Variants in TMEM8B observed in about 807,000 individuals in gnomAD.
The protein encoded by TMEM8B is transmembrane protein 8B.
In TMEM8B, 29 loss-of-function variants were observed where a neutral mutation model predicts 49.3. The observed-to-expected ratio is 0.59, with a 90% confidence interval of 0.44 to 0.80. TMEM8B has a LOEUF of 0.80. TMEM8B is among the 30% of genes least tolerant of loss of function. The pLI, the probability that TMEM8B is intolerant of heterozygous loss-of-function variation, is 0.00. For missense variants in TMEM8B, 575 were observed against 658.5 expected, an observed-to-expected ratio of 0.87 and a Z score of 1.39; for synonymous variants, 264 against 272.8, an observed-to-expected ratio of 0.97 and a Z score of 0.32.
chr9:35,843,624 T>G (rs1235058115), intron 6 of TMEM8B, among the ~76,000 whole-genome samples: 2 of 152,236 alleles, frequency 1.3e-5, no homozygotes, highest in Non-Finnish European at 2.9e-5. Flanking sequence ...TGTGGTGAAC[T>G]GAGATCCCTG....
Position 35,863,497 on chromosome 9 carries a change from G to A in TMEM8B, c.*9657G>A, listed in dbSNP as rs539273446. Reference sequence around the variant, plus strand: ...TGCCTACAGCTTTGCCTGTAACATGGGCACAGGCTGGGACATCAGATAGAA... The same window carrying A: ...TGCCTACAGCTTTGCCTGTAACATGAGCACAGGCTGGGACATCAGATAGAA... On this transcript the variant is annotated 3_prime_UTR_variant, in exon 13 of 13. Transcript: ENST00000643932. The A allele has an allele frequency of 2.0e-5, 3 of 152,330 alleles. No homozygotes were observed. In the South Asian group the frequency reaches 6.2e-4, roughly 32 times the overall value. 9.4% of individuals were successfully genotyped at this position (152,330 alleles called of 1,614,324 possible).
rs527767515 is a variant in TMEM8B, at chr9:35,858,941, G to C, written c.*5101G>C. ...AGCCTCTGGTGGACCTGCATCAGGA[G>C]CAAGAAACAAACCTTAATGGCTTTA... On this transcript the variant is annotated 3_prime_UTR_variant, in exon 13 of 13. Coordinates refer to ENST00000643932, the MANE Select transcript of TMEM8B (RefSeq NM_001042590.4). The C allele has an allele frequency of 6.5e-6, 1 of 152,684 alleles. No homozygotes were observed. Among genetic ancestry groups the C allele is most frequent in the South Asian group, 2.1e-4 (1 of 4,828 alleles). The allele number at this position is 152,684 out of a possible 1,614,324, so 9.5% of individuals were successfully genotyped here.
rs73645475 is a variant in TMEM8B, at chr9:35,854,031, C to T, written c.*191C>T. 7.6e-7 allele frequency: 1 copy of T among 1,317,498 alleles called. No homozygotes were observed. 81.6% of individuals were successfully genotyped at this position (1,317,498 alleles called of 1,614,324 possible). ...GAGAACTTCCTGAGGGCCTGGAGTC[C>T]CCCTGCATCATGGAGTCCTTCTTAA... On this transcript the variant is annotated 3_prime_UTR_variant, in exon 13 of 13. Transcript: ENST00000643932.
rs1832272941 is a variant in TMEM8B at position 35,852,819 on chromosome 9, T to C, written c.2176-8T>C. On this transcript the variant is annotated splice_polypyrimidine_tract_variant and splice_region_variant and intron_variant, in intron 10 of 12. Transcript: ENST00000643932. ...AGTTCTCTCAATGCCTGTCATTTCT[T>C]CCTTCAGTTCTATCATGCCTGTGAC... 1 of 1,614,126 alleles carries C rather than the reference T, an allele frequency of 6.2e-7. No homozygotes were observed. Among genetic ancestry groups the C allele is most frequent in the Non-Finnish European group, 8.5e-7 (1 of 1,180,012 alleles).
chr9:35,851,965 A>G (rs1050127665), intron 10 of TMEM8B, among the ~76,000 whole-genome samples: 14 of 152,230 alleles, frequency 9.2e-5, no homozygotes, highest in Admixed American at 9.2e-4. Context: ...CATCTCTGCC[A>G]CTAAAGAGTT....
chr9:35,862,799 A>T lies in TMEM8B; in HGVS notation c.*8959A>T, dbSNP rs1469521465. 3.3e-5 allele frequency: 5 copies of T among 152,300 alleles called. No homozygotes were observed. Among genetic ancestry groups the T allele is most frequent in the Non-Finnish European group, 7.3e-5 (5 of 68,034 alleles). 9.4% of individuals were successfully genotyped at this position (152,300 alleles called of 1,614,324 possible). ...CGGACAACAAGATGGTCACACAGCT[A>T]TTAGTGGAGGTTAAGTTCATTCTGC... On this transcript the variant is annotated 3_prime_UTR_variant, in exon 13 of 13. Coordinates refer to ENST00000643932, the MANE Select transcript of TMEM8B (RefSeq NM_001042590.4).
In TMEM8B at chr9:35,829,330, C is replaced by T; in HGVS notation, c.-118C>T. On this transcript the variant is annotated 5_prime_UTR_variant, in exon 1 of 13. Coordinates refer to ENST00000643932, the MANE Select transcript of TMEM8B (RefSeq NM_001042590.4). Reference sequence around the variant, plus strand: ...TGAACTCCTACCCAGGTCCCCGGCCCCCGCCCCGGGCCCGCGAGGACACCG... The same window carrying T: ...TGAACTCCTACCCAGGTCCCCGGCCTCCGCCCCGGGCCCGCGAGGACACCG... The T allele has an allele frequency of 2.7e-6, 1 of 371,416 alleles. No homozygotes were observed. Among genetic ancestry groups the T allele is most frequent in the Non-Finnish European group, 4.8e-6 (1 of 208,460 alleles). 23.0% of individuals were successfully genotyped at this position (371,416 alleles called of 1,614,324 possible).
rs1292718082 is a variant in TMEM8B, at chr9:35,860,239, G to A, written c.*6399G>A. 1 of 152,360 alleles carries A rather than the reference G, an allele frequency of 6.6e-6. No homozygotes were observed. Among genetic ancestry groups the A allele is most frequent in the South Asian group, 2.1e-4 (1 of 4,828 alleles). 9.4% of individuals were successfully genotyped at this position (152,360 alleles called of 1,614,324 possible). A position where few individuals can be genotyped will look rare whatever the true frequency, so the allele number is the denominator to read the frequency against. ...CTAGGCTCCTCTCTGCTCTCCCCAG[G>A]ATGGGGTCAGAGGAGACAGCAGAGA... On this transcript the variant is annotated 3_prime_UTR_variant, in exon 13 of 13. Coordinates refer to ENST00000643932, the MANE Select transcript of TMEM8B (RefSeq NM_001042590.4).
chr9:35,845,667 GA>G, intron 6 of TMEM8B: 1 of 985,398 alleles, frequency 1.0e-6, no homozygotes. Context: ...TAATGAGCTA[GA>G]TAGGACTGAA....
In TMEM8B at chr9:35,860,830, A is replaced by C. The variant is rs1160909264; in HGVS notation, c.*6990A>C. On this transcript the variant is annotated 3_prime_UTR_variant, in exon 13 of 13. Coordinates refer to ENST00000643932, the MANE Select transcript of TMEM8B (RefSeq NM_001042590.4). ...CACACGAGGAGGGAAGCCAGGCACG[A>C]ATCTGGTGGAGGTGCGGTCAGTTGT... 1 of 152,252 alleles carries C rather than the reference A, an allele frequency of 6.6e-6. No individual in the cohort carries two copies. The highest frequency in any genetic ancestry group is 1.9e-4 in the East Asian group (1 of 5,202). 9.4% of individuals were successfully genotyped at this position (152,252 alleles called of 1,614,324 possible).
At chr9:35,847,363 T>G (rs1301194026) in intron 10 of TMEM8B, 1 of 598,472 alleles carries the variant, frequency 1.7e-6, no homozygotes, top group Non-Finnish European at 3.0e-6. Flanking sequence ...GGGCAGGAAA[T>G]CTATGCTTTC....
At chr9:35,850,254 A>T (rs1458216903) in intron 10 of TMEM8B, among the ~76,000 whole-genome samples, 1 of 152,232 alleles carries the variant, frequency 6.6e-6, no homozygotes, top group East Asian at 1.9e-4. Context: ...ATTCCACAGA[A>T]AAAAAACCTT....
Position 35,846,559 on chromosome 9 carries a change from C to T in TMEM8B, c.1944C>T (p.Cys648=). The part of the protein sequence containing the change: ...CVDDCGPYGQ[C]KLLRTHNYLY... ...ACGACTGCGGGCCCTACGGCCAGTG[C>T]AAGCTGCTGCGCACACACAATTATC... Residue 648 remains cysteine (C), a synonymous_variant, in exon 9 of 13, where the codon TGC becomes TGT. Transcript: ENST00000643932. The T allele has an allele frequency of 6.4e-7, 1 of 1,573,512 alleles. No individual in the cohort carries two copies.
intron 10 of TMEM8B, among the ~76,000 whole-genome samples, chr9:35,850,328 G>C (rs1237422451): frequency 1.3e-5 from 2 of 152,148 alleles, no homozygotes; most frequent in Non-Finnish European, 2.9e-5. Flanking sequence ...TATCAACTTA[G>C]ATTAGAATTA....
Position 35,864,025 on chromosome 9 carries a change from G to GAGAA in TMEM8B, c.*10185_*10186insAGAA, listed in dbSNP as rs1832692559. 1 of 152,220 alleles carries GAGAA rather than the reference G, an allele frequency of 6.6e-6. No individual in the cohort carries two copies. The highest frequency in any genetic ancestry group is 1.5e-5 in the Non-Finnish European group (1 of 68,068). 9.4% of individuals were successfully genotyped at this position (152,220 alleles called of 1,614,324 possible). On this transcript the variant is annotated 3_prime_UTR_variant, in exon 13 of 13. Coordinates refer to ENST00000643932, the MANE Select transcript of TMEM8B (RefSeq NM_001042590.4). Reference sequence around the variant, plus strand: ...AAATAGCTGCCTGGTTTCACTCCCCGGTTTTACGCCTCTTGAGAAGCAGAG... The same window carrying GAGAA: ...AAATAGCTGCCTGGTTTCACTCCCCGAGAAGTTTTACGCCTCTTGAGAAGCAGAG...
In TMEM8B at chr9:35,829,584, C is replaced by T. The variant is rs907308915; in HGVS notation, c.137C>T (p.Pro46Leu). Residue 46 changes from proline (P) to leucine (L), a missense_variant, in exon 1 of 13, where the codon CCC (proline) becomes CTC (leucine). Pro to Leu is a moderately conservative substitution (Grantham distance 98). Transcript: ENST00000643932. ...SPSRTPFQSL[P>L]LAWPPSRPRP... Reference sequence around the variant, plus strand: ...TCCAGGACCCCCTTCCAGTCTCTGCCCCTGGCCTGGCCCCCATCCCGGCCT... The same window carrying T: ...TCCAGGACCCCCTTCCAGTCTCTGCTCCTGGCCTGGCCCCCATCCCGGCCT... 7.5e-6 allele frequency: 3 copies of T among 399,530 alleles called. No individual in the cohort carries two copies. Among genetic ancestry groups the T allele is most frequent in the Admixed American group, 4.4e-5 (1 of 22,736 alleles). 24.7% of individuals were successfully genotyped at this position (399,530 alleles called of 1,614,324 possible).
intron 3 of TMEM8B, among the ~76,000 whole-genome samples, chr9:35,836,144 A>G (rs1335844160): frequency 3.3e-5 from 5 of 152,174 alleles, no homozygotes. Flanking sequence ...TCACATAAGG[A>G]CAAGGGTGCT....
At chr9:35,833,445 C>T (rs1830114338) in intron 1 of TMEM8B, 1 of 819,574 alleles carries the variant, frequency 1.2e-6, no homozygotes, top group African/African-American at 1.9e-5. Flanking sequence ...ACCCTCTTCC[C>T]CTGTCTGCTA....
intron 1 of TMEM8B, among the ~76,000 whole-genome samples, chr9:35,832,935 C>T (rs1049927900): frequency 6.6e-6 from 1 of 152,156 alleles, no homozygotes; most frequent in African/African-American, 2.4e-5. Context: ...CACTGGTAGC[C>T]TCTCTGGGTT....
Sources: allele counts gnomAD v4.1 joint callset (sites outside exome capture counted in the v4.1 genomes callset), GRCh38; gene constraint gnomAD v4.1.1; transcripts MANE v1.5; gene names NCBI Gene and HGNC (gene_info 2026-07-23, HGNC 2026-07-21).